The following ZNF839 variants were observed in gnomAD, a reference collection of about 807,000 sequenced individuals.
The protein encoded by ZNF839 is zinc finger protein 839, also known as renal carcinoma antigen NY-REN-50.
In ZNF839, 38 loss-of-function variants were observed where a neutral mutation model predicts 56.4. That is an observed-to-expected ratio of 0.67 (90% CI 0.52 to 0.88). The LOEUF is 0.88. Among genes scored for constraint, ZNF839 ranks in the 40% least tolerant of loss-of-function variants. The pLI is 0.00. For missense variants in ZNF839, 1,091 were observed against 1,177.6 expected, an observed-to-expected ratio of 0.93 and a Z score of 1.08; for synonymous variants, 486 against 493.5, an observed-to-expected ratio of 0.98 and a Z score of 0.20.
At position 102,341,809 on chromosome 14, in the gene ZNF839, C is replaced by T; in HGVS notation, c.2414C>T (p.Ser805Phe). ...GCCCCTCCGCTTGAGAAAATTTTGT[C>T]TGTGGATAGCGTGGCAGTGGACTGT... is the stretch of plus-strand genomic sequence containing the variant. ...VAAPPLEKIL[S>F]VDSVAVDCAY... Residue 805 changes from serine to phenylalanine, a missense_variant, in exon 8 of 8, where the codon TCT becomes TTT. Physicochemically the swap from Ser to Phe is radical, Grantham distance 155. Around this residue, in one of 3 missense-constraint regions of ZNF839, gnomAD observed 431 missense variants for 468.0 expected, o/e 0.92. Transcript: ENST00000442396. 1 of 1,614,060 alleles carries T rather than the reference C, an allele frequency of 6.2e-7. No individual in the cohort carries two copies. Among genetic ancestry groups the T allele is most frequent in the South Asian group, 1.1e-5 (1 of 91,080 alleles).
At chr14:102,317,965 G>C (rs997883339), upstream of ZNF839, among the ~76,000 whole-genome samples, 1 of 152,184 alleles carries the variant, frequency 6.6e-6, no homozygotes, top group Admixed American at 6.5e-5. Flanking sequence ...GATCCGGCAA[G>C]GGCTCCACCT....
Position 102,338,856 on chromosome 14 carries a change from A to G in ZNF839, c.1700A>G (p.Lys567Arg). 6.2e-7 allele frequency: 1 copy of G among 1,613,976 alleles called. No homozygotes were observed. The highest frequency in any genetic ancestry group is 8.5e-7 in the Non-Finnish European group (1 of 1,179,896). The change falls in exon 6 of 8, where the codon AAA (lysine) becomes AGA (arginine). Residue 567 changes from lysine (K) to arginine (R), a missense_variant. Transcript: ENST00000442396. ...GGAATCACAGAATTCCTACGGAAGA[A>G]AGAAATACACCCAGACAACCTTGGA... is the stretch of plus-strand genomic sequence containing the variant. ...SLGITEFLRK[K>R]EIHPDNLGPK...
In ZNF839 at chr14:102,326,165, G is replaced by A. The variant is rs766477493; in HGVS notation, c.469G>A (p.Val157Met). The change falls in exon 2 of 8, where the codon GTG (valine) becomes ATG (methionine). Residue 157 changes from valine to methionine, a missense_variant. By Grantham distance (21) the Val-to-Met change is conservative (BLOSUM62 1). Around this residue, in one of 3 missense-constraint regions of ZNF839, gnomAD observed 614 missense variants for 629.2 expected, o/e 0.98. Coordinates refer to ENST00000442396, the MANE Select transcript of ZNF839 (RefSeq NM_018335.6). This position sits in a 1 kb window ranked among gnomAD's most constrained non-coding sequence, Gnocchi z 4.3. ...TCAGCTGCTCAGGGTACAGCCGCTT[G>A]TGAGAACCGAGCCACAGTCCTGCTT... ...SPQLLRVQPL[V>M]RTEPQSCFLS... 24 of 1,613,732 alleles carry A rather than the reference G, an allele frequency of 1.5e-5. No individual in the cohort carries two copies. Among genetic ancestry groups the A allele is most frequent in the Middle Eastern group, 1.6e-4 (1 of 6,084 alleles).
intron 2 of ZNF839, among the ~76,000 whole-genome samples, chr14:102,330,047 G>T (rs1352927361): frequency 6.6e-6 from 1 of 151,448 alleles, no homozygotes; most frequent in Admixed American, 6.6e-5. Context: ...TGCCCGCCTT[G>T]GCCTCCCAAA....
intron 2 of ZNF839, among the ~76,000 whole-genome samples, chr14:102,327,958 G>T (rs1454309956): frequency 6.6e-6 from 1 of 152,114 alleles, no homozygotes; most frequent in East Asian, 1.9e-4. Context: ...GCTCCTGGCT[G>T]CTTAGCGTGT....
intron 2 of ZNF839, 118 bp downstream of exon 2, chr14:102,327,005 C>G: frequency 8.5e-7 from 1 of 1,177,824 alleles, no homozygotes; most frequent in Non-Finnish European, 1.2e-6. Context: ...GTTCCATAGA[C>G]TGTACAGGAA....
At chr14:102,339,617 G>A (rs368472831) in intron 7 of ZNF839, among the ~76,000 whole-genome samples, 3 of 152,130 alleles carry the variant, frequency 2.0e-5, no homozygotes, top group Non-Finnish European at 4.4e-5. Flanking sequence ...GTGTGGTGGC[G>A]TGTGCCTGTA....
At chr14:102,323,406 C>T (rs1488584598) in intron 1 of ZNF839, among the ~76,000 whole-genome samples, 3 of 152,184 alleles carry the variant, frequency 2.0e-5, no homozygotes, top group Non-Finnish European at 4.4e-5. Flanking sequence ...TCTGTGAGGG[C>T]GGGAGCCTTG....
In ZNF839 at chr14:102,330,254, C is replaced by T. The variant is rs546259449; in HGVS notation, c.1192-1368C>T. Among the ~76,000 whole-genome samples the T allele has an allele frequency of 1.3e-3, 193 of 151,184 alleles. 1 individual carries two copies. Among genetic ancestry groups the T allele is most frequent in the African/African-American group, 4.3e-3 (179 of 41,216 alleles). Reference sequence around the variant, plus strand: ...TAATTTTTATTATTATTTTTTGAGACGGAGGTTTGCTCTTGTTGCCCAGTC... The same window carrying T: ...TAATTTTTATTATTATTTTTTGAGATGGAGGTTTGCTCTTGTTGCCCAGTC... On this transcript the variant is annotated intron_variant, in intron 2 of 7. Transcript: ENST00000442396.
intron 7 of ZNF839, chr14:102,341,030 C>G (rs1035523472): frequency 5.7e-6 from 1 of 175,678 alleles, no homozygotes; most frequent in African/African-American, 2.7e-5. Flanking sequence ...AATCGTGCCA[C>G]TGCACTCCAG....
intron 1 of ZNF839, 150 bp from the exon 2 acceptor site, chr14:102,325,835 C>G: frequency 1.1e-6 from 1 of 939,174 alleles, no homozygotes; most frequent in Non-Finnish European, 1.6e-6. Context: ...CTGGAAAATA[C>G]CACCTTAGTA....
chr14:102,341,148 A>G, intron 7 of ZNF839, 175 bp from the exon 8 acceptor site: 1 of 513,442 alleles, frequency 1.9e-6, no homozygotes, highest in Non-Finnish European at 3.1e-6. Context: ...CTTTGTGAAT[A>G]GAGAATAGGG....
chr14:102,337,322 C>A (rs1465460801), intron 5 of ZNF839: 1 of 152,156 alleles, frequency 6.6e-6, no homozygotes, highest in East Asian at 1.9e-4. Context: ...GTGTGCACCA[C>A]CATGCCCAGC....
intron 7 of ZNF839, 123 bp downstream of exon 7, chr14:102,339,346 T>A: frequency 7.5e-7 from 1 of 1,327,208 alleles, no homozygotes; most frequent in Non-Finnish European, 1.0e-6. Context: ...AAGGGGACCC[T>A]CTGGTTTCTC....
At chr14:102,328,495 G>A (rs751510426) in intron 2 of ZNF839, among the ~76,000 whole-genome samples, 2 of 147,428 alleles carry the variant, frequency 1.4e-5, no homozygotes, top group African/African-American at 5.0e-5. Flanking sequence ...TGTGGTTCAG[G>A]GGTATTAAAC....
At position 102,342,175 on chromosome 14, in the gene ZNF839, G is replaced by T. The variant is rs373342974; in HGVS notation, c.2780G>T (p.Arg927Leu). 3.1e-6 allele frequency: 5 copies of T among 1,602,124 alleles called. No homozygotes were observed. The highest frequency in any genetic ancestry group is 2.6e-6 in the Non-Finnish European group (3 of 1,172,420). The change falls in exon 8 of 8, where the codon CGC (arginine) becomes CTC (leucine). Residue 927 changes from arginine to leucine, a missense_variant. Physicochemically the swap from Arg to Leu is moderately radical, Grantham distance 102. Transcript: ENST00000442396. ...DAEGRACGWAR is the reference protein window; with the variant it reads ...DAEGRACGWAL ...GAGGGGCGTGCCTGCGGATGGGCCC[G>T]CTAGAAGGAGTTCCTCTAGAAGCTG... is the stretch of plus-strand genomic sequence containing the variant.
chr14:102,341,948 G>A lies in ZNF839; in HGVS notation c.2553G>A (p.Met851Ile). The change falls in exon 8 of 8, where the codon ATG (methionine) becomes ATA (isoleucine). Residue 851 changes from methionine (M) to isoleucine (I), a missense_variant. By Grantham distance (10) the Met-to-Ile change is conservative (BLOSUM62 1). Coordinates refer to ENST00000442396, the MANE Select transcript of ZNF839 (RefSeq NM_018335.6). ...ACTTGAACCGGTTCCCCTGTGGGAT[G>A]GAGGTGCACTCTGGCCAGAGAGAAC... ...SGDLNRFPCG[M>I]EVHSGQRELE... The A allele has an allele frequency of 6.2e-7, 1 of 1,614,060 alleles. No homozygotes were observed. The highest frequency in any genetic ancestry group is 8.5e-7 in the Non-Finnish European group (1 of 1,179,900).
intron 7 of ZNF839, among the ~76,000 whole-genome samples, chr14:102,340,728 C>G (rs1886416281): frequency 6.6e-6 from 1 of 152,080 alleles, no homozygotes; most frequent in African/African-American, 2.4e-5. Context: ...TTGGGTGATT[C>G]TCCAGCTCAC....
intron 7 of ZNF839, among the ~76,000 whole-genome samples, chr14:102,339,715 C>T (rs1473607040): frequency 6.6e-6 from 1 of 151,694 alleles, no homozygotes; most frequent in Non-Finnish European, 1.5e-5. Flanking sequence ...CACCACTGCA[C>T]TCCAGCCTGG....
Sources: gnomAD v4.1 joint callset for allele counts (sites outside exome capture counted in the v4.1 genomes callset) on GRCh38, gnomAD v4.1.1 for gene constraint, gnomAD v4.1.1 regional missense constraint, Gnocchi (gnomAD v3.1) non-coding constraint, MANE v1.5 for transcripts, NCBI Gene and HGNC (gene_info 2026-07-23, HGNC 2026-07-21) for gene names.